Variants in SEMA5A observed in about 807,000 individuals in gnomAD.
SEMA5A encodes semaphorin-5A.
In SEMA5A, 55 loss-of-function variants were observed where a neutral mutation model predicts 135.5. The observed-to-expected ratio is 0.41, with a 90% CI of 0.33 to 0.51. SEMA5A has a LOEUF of 0.51. Among genes scored for constraint, SEMA5A ranks in the 20% least tolerant of loss-of-function variants. SEMA5A has a pLI of 0.37. For synonymous variants in SEMA5A, 580 were observed against 546.5 expected (o/e 1.06, Z -0.85); for missense variants, 1,290 against 1,419.9 (o/e 0.91, Z 1.47).
At chr5:9,327,592 T>C (rs1752937608) in intron 4 of SEMA5A, among the ~76,000 whole-genome samples, 1 of 152,166 alleles carries the variant, frequency 6.6e-6, no homozygotes, top group Admixed American at 6.5e-5. Flanking sequence ...GCAAGTAGAA[T>C]GAAATAACAA....
chr5:9,169,770 T>C (rs910892013), intron 11 of SEMA5A, among the ~76,000 whole-genome samples: 1 of 152,198 alleles, frequency 6.6e-6, no homozygotes, highest in African/African-American at 2.4e-5. Context: ...AGGTCTGTGA[T>C]GGGCCACTCA....
At chr5:9,291,754 C>T (rs1402936833) in intron 5 of SEMA5A, among the ~76,000 whole-genome samples, 1 of 148,884 alleles carries the variant, frequency 6.7e-6, no homozygotes, top group Non-Finnish European at 1.5e-5. Flanking sequence ...AACTTCTCAG[C>T]CAAGTTCTTT....
At chr5:9,083,337 G>A (rs1738493524) in intron 16 of SEMA5A, among the ~76,000 whole-genome samples, 1 of 152,060 alleles carries the variant, frequency 6.6e-6, no homozygotes, top group African/African-American at 2.4e-5. Flanking sequence ...TTTACTATGG[G>A]AAATTAATTA....
At chr5:9,344,429 A>T (rs1447622221) in intron 3 of SEMA5A, among the ~76,000 whole-genome samples, 2 of 152,358 alleles carry the variant, frequency 1.3e-5, no homozygotes, top group African/African-American at 2.4e-5. Flanking sequence ...ATACGCATGG[A>T]TTAATTTATC....
chr5:9,106,116 C>T (rs748454280), intron 16 of SEMA5A, among the ~76,000 whole-genome samples: 2 of 152,082 alleles, frequency 1.3e-5, no homozygotes, highest in Admixed American at 6.5e-5. Flanking sequence ...CTCATTGCCG[C>T]AATAACACCT....
chr5:9,504,651 C>T (rs1008919546), intron 1 of SEMA5A, among the ~76,000 whole-genome samples: 6 of 152,184 alleles, frequency 3.9e-5, no homozygotes, highest in Non-Finnish European at 8.8e-5. Context: ...GAGGCATCAG[C>T]ACAGAACCCT....
intron 5 of SEMA5A, among the ~76,000 whole-genome samples, chr5:9,255,983 T>C (rs1749049549): frequency 6.6e-6 from 1 of 152,136 alleles, no homozygotes; most frequent in African/African-American, 2.4e-5. Flanking sequence ...CCTTGAGTCT[T>C]CTTGTTTCCT....
intron 1 of SEMA5A, among the ~76,000 whole-genome samples, chr5:9,473,330 A>T (rs1759546848): frequency 7.0e-6 from 1 of 142,004 alleles, no homozygotes; most frequent in African/African-American, 2.6e-5. Context: ...TTTACTGGTG[A>T]CTAATACTTC....
In SEMA5A at chr5:9,035,436, T is replaced by C. The variant is rs1735594791; in HGVS notation, c.*7461A>G. 6.6e-6 allele frequency: 1 copy of C among 152,068 alleles called. No individual in the cohort carries two copies. Among genetic ancestry groups the C allele is most frequent in the South Asian group, 2.1e-4 (1 of 4,826 alleles). 9.4% of individuals were successfully genotyped at this position (152,068 alleles called of 1,614,324 possible). A position where few individuals can be genotyped will look rare whatever the true frequency, so the allele number is the denominator to read the frequency against. ...AGTTGCCTTCCATTGATTGGTTAGG[T>C]GACCTCCGCCCACCCCTGCTCCAAC... On this transcript the variant is annotated 3_prime_UTR_variant, in exon 23 of 23. Coordinates refer to ENST00000382496, the MANE Select transcript of SEMA5A (RefSeq NM_003966.3).
intron 9 of SEMA5A, among the ~76,000 whole-genome samples, chr5:9,201,743 A>C (rs3026338): frequency 0.015 from 2,287 of 152,270 alleles, 137 homozygotes; most frequent in East Asian, 0.13. Context: ...AACTTTCTTG[A>C]TTTGGCGTAT....
intron 5 of SEMA5A, among the ~76,000 whole-genome samples, chr5:9,275,644 G>C (rs1750221470): frequency 6.6e-6 from 1 of 152,138 alleles, no homozygotes; most frequent in South Asian, 2.1e-4. Context: ...CCACAATCAA[G>C]TCAGCTTCAT....
chr5:9,452,235 T>G (rs1398670839), intron 1 of SEMA5A, among the ~76,000 whole-genome samples: 2 of 152,172 alleles, frequency 1.3e-5, no homozygotes, highest in Non-Finnish European at 2.9e-5. Context: ...CTGTCACTGC[T>G]CAAAAGACAT....
chr5:9,252,075 G>T (rs1451589842), intron 5 of SEMA5A, among the ~76,000 whole-genome samples: 2 of 152,172 alleles, frequency 1.3e-5, no homozygotes, highest in Non-Finnish European at 2.9e-5. Context: ...GGATCTCCCA[G>T]ATTCCTAATT....
chr5:9,313,014 C>T (rs571726744), intron 5 of SEMA5A, among the ~76,000 whole-genome samples: 5 of 152,140 alleles, frequency 3.3e-5, no homozygotes, highest in Non-Finnish European at 7.4e-5. Context: ...TGTCCCCGTG[C>T]TCCTACTGTA....
intron 1 of SEMA5A, among the ~76,000 whole-genome samples, chr5:9,527,299 C>G (rs1438007495): frequency 6.6e-6 from 1 of 152,160 alleles, no homozygotes; most frequent in Non-Finnish European, 1.5e-5. Flanking sequence ...AGAGGGCTAG[C>G]AAGACTTCAA....
At chr5:9,109,649 GT>G (rs368107851) in intron 15 of SEMA5A, among the ~76,000 whole-genome samples, 51 of 152,266 alleles carry the variant, frequency 3.3e-4, no homozygotes, top group African/African-American at 1.2e-3. Flanking sequence ...GTGTAAGTCA[GT>G]CACCTTTATT....
At chr5:9,369,445 A>C (rs1036297512) in intron 3 of SEMA5A, among the ~76,000 whole-genome samples, 1 of 152,146 alleles carries the variant, frequency 6.6e-6, no homozygotes, top group Non-Finnish European at 1.5e-5. Context: ...TATTTCTTAT[A>C]TGTTTTCTTC....
At position 9,384,609 on chromosome 5, in the gene SEMA5A, T is replaced by TAGAC. The variant is rs1561207802; in HGVS notation, c.-77-4587_-77-4586insGTCT. Among the ~76,000 whole-genome samples the TAGAC allele has an allele frequency of 1.1e-4, 13 of 123,742 alleles. 1 individual carries two copies. The highest frequency in any genetic ancestry group is 4.3e-4 in the African/African-American group (13 of 30,028). 81.2% of individuals were successfully genotyped at this position (123,742 alleles called of 152,430 possible). ...ATAGATAGATAGATAGATAGATAGATAGATAGATACATAGATAGATAGATA... is the reference window on the plus strand; with the variant it reads ...ATAGATAGATAGATAGATAGATAGATAGACAGATAGATACATAGATAGATAGATA... On this transcript the variant is annotated intron_variant, in intron 2 of 22. Coordinates refer to ENST00000382496, the MANE Select transcript of SEMA5A (RefSeq NM_003966.3).
chr5:9,297,212 A>G (rs1579299722), intron 5 of SEMA5A, among the ~76,000 whole-genome samples: 1 of 151,688 alleles, frequency 6.6e-6, no homozygotes, highest in East Asian at 1.9e-4. Flanking sequence ...GTATATACAC[A>G]TACATACACA....
Sources: gnomAD v4.1 joint callset for allele counts (sites outside exome capture counted in the v4.1 genomes callset) on GRCh38, gnomAD v4.1.1 for gene constraint, MANE v1.5 for transcripts, NCBI Gene and HGNC (gene_info 2026-07-23, HGNC 2026-07-21) for gene names.